ZNF140: variants seen among roughly 807,000 people sequenced by gnomAD.
ZNF140 encodes the protein zinc finger protein 140 (clone pHZ-39).
Under a neutral mutation model 12.9 loss-of-function variants are expected in ZNF140, and 13 were observed. The observed-to-expected ratio is 1.01, with a 90% confidence interval of 0.66 to 1.60. The LOEUF is 1.60. ZNF140 is among the 40% of genes most tolerant of loss of function. ZNF140 has a pLI of 0.00. For missense variants in ZNF140, 531 were observed against 548.8 expected, an observed-to-expected ratio of 0.97 and a Z score of 0.32; for synonymous variants, 214 against 186.7, an observed-to-expected ratio of 1.15 and a Z score of -1.19.
At chr12:133,084,934 C>T (rs1455968503) in intron 4 of ZNF140, among the ~76,000 whole-genome samples, 11 of 151,934 alleles carry the variant, frequency 7.2e-5, no homozygotes, top group Admixed American at 5.9e-4. Flanking sequence ...GAAAAATGTC[C>T]TTTTTGAATT....
chr12:133,107,398 G>A lies in ZNF140; in HGVS notation c.*747G>A, dbSNP rs1281413800. The A allele has an allele frequency of 6.6e-6, 1 of 152,036 alleles. No individual in the cohort carries two copies. The highest frequency in any genetic ancestry group is 1.5e-5 in the Non-Finnish European group (1 of 68,006). The allele number at this position is 152,036 out of a possible 1,614,324, so 9.4% of individuals were successfully genotyped here. On this transcript the variant is annotated 3_prime_UTR_variant, in exon 5 of 5. Transcript: ENST00000355557. The stretch of plus-strand genomic sequence containing the variant: ...TGTTTTTTAAGTGAATTCAGAAAAT[G>A]TTATAAATAAATCTTTTGGTTTATT...
chr12:133,098,343 C>T (rs911429207), intron 4 of ZNF140, among the ~76,000 whole-genome samples: 2 of 151,798 alleles, frequency 1.3e-5, no homozygotes, highest in Admixed American at 6.6e-5. Flanking sequence ...TTCAACAGAT[C>T]CTCCTGCCTC....
intron 4 of ZNF140, among the ~76,000 whole-genome samples, chr12:133,095,790 C>T (rs990672287): frequency 5.3e-5 from 8 of 152,012 alleles, no homozygotes; most frequent in Admixed American, 1.3e-4. Flanking sequence ...CCTGGATGTG[C>T]ACGTAATCCA....
chr12:133,081,423 G>A (rs1423839173), intron 2 of ZNF140, 94 bp downstream of exon 2: 3 of 326,396 alleles, frequency 9.2e-6, no homozygotes, highest in South Asian at 2.3e-5. Context: ...TGTCGCCCAG[G>A]CAGTGGAGCG....
intron 2 of ZNF140, 36 bp from the exon 3 acceptor site, chr12:133,083,067 C>G: frequency 6.2e-7 from 1 of 1,613,652 alleles, no homozygotes; most frequent in Non-Finnish European, 8.5e-7. Flanking sequence ...TGGGGGCATG[C>G]GTGCTGGTCA....
Position 133,106,032 on chromosome 12 carries a change from A to C in ZNF140, c.755A>C (p.Lys252Thr). 1 of 1,614,178 alleles carries C rather than the reference A, an allele frequency of 6.2e-7. No individual in the cohort carries two copies. The highest frequency in any genetic ancestry group is 8.5e-7 in the Non-Finnish European group (1 of 1,180,026). The change falls in exon 5 of 5, where the codon AAG becomes ACG. Residue 252 changes from lysine to threonine, a missense_variant. By Grantham distance (78) the Lys-to-Thr change is moderately conservative. Coordinates refer to ENST00000355557, the MANE Select transcript of ZNF140 (RefSeq NM_003440.4). ...EKPYECTECG[K>T]AFSRASNLTR... ...CCTTATGAATGTACTGAGTGTGGAA[A>C]GGCCTTTAGCCGTGCCTCCAACCTC...
rs1234918753 is a variant in ZNF140 at position 133,106,640 on chromosome 12, G to A, written c.1363G>A (p.Glu455Lys). 1 of 1,578,764 alleles carries A rather than the reference G, an allele frequency of 6.3e-7. No individual in the cohort carries two copies. ...ATTTAATTACCACTCATTCCTTACT[G>A]AACACCAGTGAATTTACACTGCAAA... ...NSFNYHSFLT[E>K]HQ is the part of the protein sequence containing the mutation. Residue 455 changes from glutamate (E) to lysine (K), a missense_variant, in exon 5 of 5, where the codon GAA becomes AAA. Transcript: ENST00000355557.
In ZNF140 at chr12:133,095,789, G is replaced by A. The variant is rs776923503; in HGVS notation, c.233-9721G>A. Among the ~76,000 whole-genome samples, 446 of 151,972 alleles carry A rather than the reference G, an allele frequency of 2.9e-3. 2 individuals carry two copies. Among genetic ancestry groups the A allele is most frequent in the Non-Finnish European group, 4.5e-3 (304 of 67,930 alleles). On this transcript the variant is annotated intron_variant, in intron 4 of 4. Transcript: ENST00000355557. ...AAGGGAAGGTACTATGCCTGGATGT[G>A]CACGTAATCCAGATTTATGTTTCTC...
chr12:133,081,237 G>A, intron 1 of ZNF140, 36 bp from the exon 2 acceptor site: 1 of 1,170,918 alleles, frequency 8.5e-7, no homozygotes, highest in South Asian at 1.3e-5. Flanking sequence ...GGCCTAGCTG[G>A]CCTGTTCGCT....
At chr12:133,099,176 T>C (rs1482348118) in intron 4 of ZNF140, among the ~76,000 whole-genome samples, 1 of 141,166 alleles carries the variant, frequency 7.1e-6, no homozygotes, top group African/African-American at 2.7e-5. Context: ...TGCCCAGCCT[T>C]GTATTTTATT....
chr12:133,106,782 T>TA lies in ZNF140; in HGVS notation c.*131_*132insA. On this transcript the variant is annotated 3_prime_UTR_variant, in exon 5 of 5. Transcript: ENST00000355557. The stretch of plus-strand genomic sequence containing the variant: ...ACTGTGAAGTAATATGGCCCACACT[T>TA]TATTCACCACCCTGGAGAAAAAAAA... The TA allele has an allele frequency of 1.3e-6, 1 of 773,868 alleles. No homozygotes were observed. Among genetic ancestry groups the TA allele is most frequent in the Non-Finnish European group, 1.9e-6 (1 of 527,486 alleles). 47.9% of individuals were successfully genotyped at this position (773,868 alleles called of 1,614,324 possible). A position where few individuals can be genotyped will look rare whatever the true frequency, so the allele number is the denominator to read the frequency against.
chr12:133,106,678 A>G lies in ZNF140; in HGVS notation c.*27A>G. On this transcript the variant is annotated 3_prime_UTR_variant, in exon 5 of 5. Transcript: ENST00000355557. ...TTTACACTGCAAAGAAAAACTATGA[A>G]TGTATGGAATTTTTTAAAAAGAAGT... 6.6e-7 allele frequency: 1 copy of G among 1,513,632 alleles called. No homozygotes were observed. Among genetic ancestry groups the G allele is most frequent in the Non-Finnish European group, 8.8e-7 (1 of 1,136,670 alleles). The allele number at this position is 1,513,632 out of a possible 1,614,324, so 93.8% of individuals were successfully genotyped here. A position where few individuals can be genotyped will look rare whatever the true frequency, so the allele number is the denominator to read the frequency against.
Position 133,080,984 on chromosome 12 carries a change from C to G in ZNF140, c.-137C>G, listed in dbSNP as rs1054025309. 2.4e-5 allele frequency: 4 copies of G among 166,092 alleles called. No individual in the cohort carries two copies. The East Asian group carries it at 5.1e-4, about 21-fold the overall frequency. The allele number at this position is 166,092 out of a possible 1,614,324, so 10.3% of individuals were successfully genotyped here. On this transcript the variant is annotated 5_prime_UTR_variant, in exon 1 of 5. Coordinates refer to ENST00000355557, the MANE Select transcript of ZNF140 (RefSeq NM_003440.4). Reference sequence around the variant, plus strand: ...CCTCCCGGTCTGCGCCGGATGGCCCCGGGCGGTGACTCGGTCCGGAGCCCT... The same window carrying G: ...CCTCCCGGTCTGCGCCGGATGGCCCGGGGCGGTGACTCGGTCCGGAGCCCT...
chr12:133,100,173 T>TTTG (rs1555295002), intron 4 of ZNF140, among the ~76,000 whole-genome samples: 52 of 139,688 alleles, frequency 3.7e-4, no homozygotes, highest in African/African-American at 1.4e-3. Flanking sequence ...TTTTTTTTTT[T>TTTG]TTTTTTTTTT....
At position 133,106,027 on chromosome 12, in the gene ZNF140, T is replaced by C. The variant is rs759930601; in HGVS notation, c.750T>C (p.Cys250=). ...TGEKPYECTE[C]GKAFSRASNL... is the part of the protein sequence containing the mutation. The stretch of plus-strand genomic sequence containing the variant: ...AGAAACCTTATGAATGTACTGAGTG[T>C]GGAAAGGCCTTTAGCCGTGCCTCCA... Residue 250 remains cysteine (C), a synonymous_variant, in exon 5 of 5, where the codon TGT becomes TGC. Transcript: ENST00000355557. 109 of 1,614,160 alleles carry C rather than the reference T, an allele frequency of 6.8e-5. No homozygotes were observed. Among genetic ancestry groups the C allele is most frequent in the Non-Finnish European group, 9.1e-5 (107 of 1,180,038 alleles).
intron 1 of ZNF140, 78 bp downstream of exon 1, chr12:133,081,150 C>T: frequency 3.2e-6 from 1 of 308,400 alleles, no homozygotes. Context: ...TCTCTCAGGG[C>T]GCCCTGCTCT....
intron 4 of ZNF140, among the ~76,000 whole-genome samples, chr12:133,095,451 GC>G (rs1440441463): frequency 6.6e-6 from 1 of 150,528 alleles, no homozygotes; most frequent in Non-Finnish European, 1.5e-5. Flanking sequence ...CTAGAGAAAG[GC>G]CCCCACATCG....
chr12:133,099,934 T>G (rs975164838), intron 4 of ZNF140, among the ~76,000 whole-genome samples: 148 of 140,322 alleles, frequency 1.1e-3, no homozygotes, highest in South Asian at 4.8e-3. Context: ...GGCTTGAGAG[T>G]TTTTTTTTTT....
At chr12:133,087,270 A>G (rs1228022929) in intron 4 of ZNF140, among the ~76,000 whole-genome samples, 5 of 151,942 alleles carry the variant, frequency 3.3e-5, no homozygotes, top group African/African-American at 9.7e-5. Context: ...GGTTGACATT[A>G]GTCTTTTTGG....
Sources: gnomAD v4.1 joint callset for allele counts (sites outside exome capture counted in the v4.1 genomes callset) on GRCh38, gnomAD v4.1.1 for gene constraint, MANE v1.5 for transcripts, NCBI Gene and HGNC (gene_info 2026-07-23, HGNC 2026-07-21) for gene names.